CDC42SE2: variants seen among roughly 807,000 people sequenced by gnomAD.
CDC42SE2 encodes the protein CDC42 small effector protein 2.
In CDC42SE2, 3 loss-of-function variants were observed where a neutral mutation model predicts 11.5. The observed-to-expected ratio is 0.26, with a 90% confidence interval of 0.12 to 0.67. CDC42SE2 has a LOEUF of 0.67. Among genes scored for constraint, CDC42SE2 ranks in the 30% least tolerant of loss-of-function variants. The pLI is 0.80. For synonymous variants in CDC42SE2, 33 were observed against 34.8 expected (o/e 0.95, Z 0.18); for missense variants, 82 against 106.8 (o/e 0.77, Z 1.02).
At chr5:131,321,917 G>T (rs1279620436) in intron 2 of CDC42SE2, among the ~76,000 whole-genome samples, 2 of 152,170 alleles carry the variant, frequency 1.3e-5, no homozygotes, top group Admixed American at 1.3e-4. Context: ...GTGACGCGAT[G>T]TCGGCTCACT....
At chr5:131,275,066 A>G (rs1194915547) in intron 1 of CDC42SE2, among the ~76,000 whole-genome samples, 1 of 152,174 alleles carries the variant, frequency 6.6e-6, no homozygotes, top group Non-Finnish European at 1.5e-5. Context: ...ATTTTTGTGT[A>G]TGTAAAGTGA....
chr5:131,355,834 C>T lies in CDC42SE2; in HGVS notation c.-285-3375C>T, dbSNP rs936115212. ...CGGGTAGGATGTTGGAGTTTAACTTCATTAAGTTGTCAGCAGCAAAACTTC... is the reference window on the plus strand; with the variant it reads ...CGGGTAGGATGTTGGAGTTTAACTTTATTAAGTTGTCAGCAGCAAAACTTC... On this transcript the variant is annotated intron_variant, in intron 2 of 4. Coordinates refer to ENST00000505065, the MANE Select transcript of CDC42SE2 (RefSeq NM_001375635.1). Among the ~76,000 whole-genome samples, 5 of 152,226 alleles carry T rather than the reference C, an allele frequency of 3.3e-5. No individual in the cohort carries two copies. In the South Asian group the frequency reaches 1.0e-3, roughly 32 times the overall value.
chr5:131,336,782 A>C (rs546510751), intron 2 of CDC42SE2, among the ~76,000 whole-genome samples: 2 of 152,150 alleles, frequency 1.3e-5, no homozygotes, highest in African/African-American at 2.4e-5. Flanking sequence ...AGGCTTGTGC[A>C]TTCGTCACAT....
intron 3 of CDC42SE2, among the ~76,000 whole-genome samples, chr5:131,383,441 G>T (rs1750383331): frequency 6.6e-6 from 1 of 152,124 alleles, no homozygotes; most frequent in Non-Finnish European, 1.5e-5. Flanking sequence ...AACTAAAGTT[G>T]TTCAAATAAA....
intron 2 of CDC42SE2, among the ~76,000 whole-genome samples, chr5:131,339,106 G>A (rs575845273): frequency 1.3e-5 from 2 of 151,808 alleles, no homozygotes; most frequent in African/African-American, 4.8e-5. Flanking sequence ...AAATTAGCTG[G>A]GCGTAGTGGT....
At chr5:131,232,744 A>C in the CDC42SE2 span, among the ~76,000 whole-genome samples, 1 of 149,394 alleles carries the variant, frequency 6.7e-6, no homozygotes, top group Non-Finnish European at 1.5e-5. Flanking sequence ...CAAAAAAAAA[A>C]AAAAAAAAAA....
In CDC42SE2 at chr5:131,394,576, T is replaced by C. The variant is rs1750795255; in HGVS notation, c.*3485T>C. ...ATATAAGCATACTTTTTTTGTACATTGTGTTCATTCTTGAATAAAATGAGT... is the reference window on the plus strand; with the variant it reads ...ATATAAGCATACTTTTTTTGTACATCGTGTTCATTCTTGAATAAAATGAGT... On this transcript the variant is annotated 3_prime_UTR_variant, in exon 5 of 5. Coordinates refer to ENST00000505065, the MANE Select transcript of CDC42SE2 (RefSeq NM_001375635.1). 2 of 152,344 alleles carry C rather than the reference T, an allele frequency of 1.3e-5. No homozygotes were observed. Among genetic ancestry groups the C allele is most frequent in the Non-Finnish European group, 2.9e-5 (2 of 68,036 alleles). The allele number at this position is 152,344 out of a possible 1,614,324, so 9.4% of individuals were successfully genotyped here.
At chr5:131,288,372 A>AT (rs1428301950) in intron 1 of CDC42SE2, among the ~76,000 whole-genome samples, 4 of 152,156 alleles carry the variant, frequency 2.6e-5, no homozygotes, top group Admixed American at 1.3e-4. Flanking sequence ...CTTAAGTGTA[A>AT]TTTTTTTATC....
At chr5:131,218,534 G>C in the CDC42SE2 span, among the ~76,000 whole-genome samples, 18 of 152,252 alleles carry the variant, frequency 1.2e-4, no homozygotes, top group East Asian at 3.1e-3. Context: ...GCACTCTGAG[G>C]TATGGAATGA....
At chr5:131,357,762 C>G (rs1188205401) in intron 2 of CDC42SE2, among the ~76,000 whole-genome samples, 1 of 152,130 alleles carries the variant, frequency 6.6e-6, no homozygotes, top group Non-Finnish European at 1.5e-5. Context: ...ATCCATTTTT[C>G]TTGCAAACAT....
chr5:131,339,908 A>C (rs1217764248), intron 2 of CDC42SE2, among the ~76,000 whole-genome samples: 1 of 152,136 alleles, frequency 6.6e-6, no homozygotes, highest in African/African-American at 2.4e-5. Flanking sequence ...AAACAGGTAA[A>C]AGTCCTAAAT....
chr5:131,239,313 T>C, the CDC42SE2 span, among the ~76,000 whole-genome samples: 1 of 151,968 alleles, frequency 6.6e-6, no homozygotes, highest in Non-Finnish European at 1.5e-5. Context: ...AGCTTATGCA[T>C]GTAATTCCAG....
intron 1 of CDC42SE2, among the ~76,000 whole-genome samples, chr5:131,312,490 T>A (rs1375873720): frequency 6.6e-6 from 1 of 152,188 alleles, no homozygotes; most frequent in African/African-American, 2.4e-5. Context: ...TCCAGGCTGC[T>A]TTGTTTACCT....
At chr5:131,358,255 C>A (rs919014142) in intron 2 of CDC42SE2, among the ~76,000 whole-genome samples, 1 of 152,098 alleles carries the variant, frequency 6.6e-6, no homozygotes, top group Non-Finnish European at 1.5e-5. Context: ...GTGATATAAA[C>A]CCACTTCATC....
At chr5:131,358,691 C>T (rs906625391) in intron 2 of CDC42SE2, among the ~76,000 whole-genome samples, 1 of 152,120 alleles carries the variant, frequency 6.6e-6, no homozygotes, top group Non-Finnish European at 1.5e-5. Flanking sequence ...AACTTAACCT[C>T]TACCCATTTT....
chr5:131,345,587 T>A (rs1301141065), intron 2 of CDC42SE2, among the ~76,000 whole-genome samples: 1 of 152,086 alleles, frequency 6.6e-6, no homozygotes, highest in Non-Finnish European at 1.5e-5. Flanking sequence ...AGGGTATTAT[T>A]CAGGAGAACT....
At chr5:131,243,169 G>C (rs140463558), upstream of CDC42SE2, among the ~76,000 whole-genome samples, 18 of 152,298 alleles carry the variant, frequency 1.2e-4, no homozygotes, top group African/African-American at 4.3e-4. Flanking sequence ...CATTTGTGCA[G>C]ATGAGTTCAG....
intron 1 of CDC42SE2, among the ~76,000 whole-genome samples, chr5:131,309,902 T>C (rs1362550095): frequency 6.6e-6 from 1 of 151,486 alleles, no homozygotes; most frequent in East Asian, 1.9e-4. Flanking sequence ...AACCAGCTCC[T>C]GGATTCATTA....
the CDC42SE2 span, among the ~76,000 whole-genome samples, chr5:131,223,640 C>T: frequency 6.6e-6 from 1 of 152,160 alleles, no homozygotes; most frequent in Non-Finnish European, 1.5e-5. Context: ...CTCCCTAGCC[C>T]AGTTTTTAAC....
Sources: allele counts gnomAD v4.1 joint callset (sites outside exome capture counted in the v4.1 genomes callset), GRCh38; gene constraint gnomAD v4.1.1; transcripts MANE v1.5; gene names NCBI Gene and HGNC (gene_info 2026-07-23, HGNC 2026-07-21).